The following KDM5A variants were observed in gnomAD, a reference collection of about 807,000 sequenced individuals.
KDM5A encodes the protein lysine demethylase 5A.
KDM5A carries 42 observed loss-of-function variants against 193.5 expected under a neutral mutation model. The observed-to-expected ratio is 0.22, with a 90% CI of 0.17 to 0.28. The LOEUF (loss-of-function observed/expected upper bound fraction) is 0.28. Ranked by LOEUF, KDM5A falls within the 10% of genes least tolerant of loss-of-function variation. The pLI, the probability that KDM5A is intolerant of heterozygous loss-of-function variation, is 1.00. For synonymous variants in KDM5A, 796 were observed against 718.1 expected, an observed-to-expected ratio of 1.11 and a Z score of -1.73; for missense variants, 1,692 against 2,055.1, an observed-to-expected ratio of 0.82 and a Z score of 3.42.
intron 3 of KDM5A, among the ~76,000 whole-genome samples, chr12:369,145 C>G (rs775105427): frequency 2.0e-5 from 3 of 152,214 alleles, no homozygotes; most frequent in African/African-American, 7.2e-5. Context: ...CTCCTCCTAT[C>G]ACACCCTCAA....
intron 4 of KDM5A, among the ~76,000 whole-genome samples, chr12:363,726 T>G (rs780990471): frequency 1.3e-5 from 2 of 151,998 alleles, no homozygotes; most frequent in Non-Finnish European, 2.9e-5. Context: ...AAAAGATTTC[T>G]TAAATATGAC....
chr12:352,208 G>A lies in KDM5A; in HGVS notation c.1146C>T (p.Val382=), dbSNP rs74736498. 4 of 1,610,570 alleles carry A rather than the reference G, an allele frequency of 2.5e-6. No homozygotes were observed. The highest frequency in any genetic ancestry group is 2.5e-6 in the Non-Finnish European group (3 of 1,178,188). The change falls in exon 9 of 28, where the codon GTC becomes GTT. Residue 382 remains valine (V), a synonymous_variant. Transcript: ENST00000399788. ...ACCTAAAAGATAGCTTACTCACATG[G>A]ACTGGCATATTAAAATAATCAGACT... ...NFKSDYFNMP[V]HMVPTELVEK... is the part of the protein sequence containing the mutation.
rs60377454 is a variant in KDM5A at position 323,210 on chromosome 12, CAAAAAAAAAAAAAAA to C, written c.2151-19_2151-5del. On this transcript the variant is annotated splice_polypyrimidine_tract_variant and splice_region_variant and intron_variant, in intron 15 of 27. Coordinates refer to ENST00000399788, the MANE Select transcript of KDM5A (RefSeq NM_001042603.3). The stretch of plus-strand genomic sequence containing the variant: ...GTCTTCTAATGGGTAGCGATATCTA[CAAAAAAAAAAAAAAA>C]AAAAAAAAAAAAAAGAAAACAGAAA... 312 of 297,062 alleles carry C rather than the reference CAAAAAAAAAAAAAAA, an allele frequency of 1.1e-3. 1 individual carries two copies. Among genetic ancestry groups the C allele is most frequent in the Middle Eastern group, 2.7e-3 (2 of 740 alleles). 18.4% of individuals were successfully genotyped at this position (297,062 alleles called of 1,614,324 possible).
chr12:376,537 C>T (rs564620803), intron 3 of KDM5A, among the ~76,000 whole-genome samples: 5 of 152,208 alleles, frequency 3.3e-5, no homozygotes, highest in African/African-American at 1.2e-4. Context: ...CCAGGTGAGA[C>T]GATGCCTCGC....
At position 292,737 on chromosome 12, in the gene KDM5A, A is replaced by G. The variant is rs372636391; in HGVS notation, c.4866+22T>C. ...GTTGCTCCTTGACCTCTCATGCTTG[A>G]CTATAAACAGTTGGAACTCACCTTG... is the stretch of plus-strand genomic sequence containing the variant. On this transcript the variant is annotated intron_variant, in intron 27 of 27. Transcript: ENST00000399788. The G allele has an allele frequency of 1.7e-5, 27 of 1,614,160 alleles. No individual in the cohort carries two copies. The African/African-American group carries it at 3.1e-4, about 18-fold the overall frequency.
chr12:291,214 T>C lies in KDM5A; in HGVS notation c.4866+1545A>G, dbSNP rs943320568. Among the ~76,000 whole-genome samples, 8 of 151,820 alleles carry C rather than the reference T, an allele frequency of 5.3e-5. No individual in the cohort carries two copies. In the East Asian group the frequency reaches 5.8e-4, roughly 11 times the overall value. On this transcript the variant is annotated intron_variant, in intron 27 of 27. Coordinates refer to ENST00000399788, the MANE Select transcript of KDM5A (RefSeq NM_001042603.3). ...ATAAAACAAACGCCATAGAAAAAAA[T>C]TGGAAGGAAACACTAAAATATTTAT...
intron 1 of KDM5A, 122 bp from the exon 2 acceptor site, chr12:386,096 CTTT>C: frequency 2.8e-6 from 2 of 707,000 alleles, no homozygotes; most frequent in Non-Finnish European, 5.0e-6. Context: ...TACAAGTCTT[CTTT>C]ATTATAGAGA....
chr12:328,360 T>G lies in KDM5A; in HGVS notation c.1968+475A>C, dbSNP rs532422302. ...CTGAAGATACACATTTTCTCATATA[T>G]TACCCAGTTCAATGTGATGATGCTT... On this transcript the variant is annotated intron_variant, in intron 14 of 27. Coordinates refer to ENST00000399788, the MANE Select transcript of KDM5A (RefSeq NM_001042603.3). Among the ~76,000 whole-genome samples the G allele has an allele frequency of 3.3e-5, 5 of 152,306 alleles. No individual in the cohort carries two copies. In the South Asian group the frequency reaches 1.0e-3, roughly 32 times the overall value.
At position 376,208 on chromosome 12, in the gene KDM5A, T is replaced by A. The variant is rs190870136; in HGVS notation, c.366+7823A>T. On this transcript the variant is annotated intron_variant, in intron 3 of 27. Coordinates refer to ENST00000399788, the MANE Select transcript of KDM5A (RefSeq NM_001042603.3). ...GTCTACAGAGGAAGGCAGGCCTCCT[T>A]GAGCTGCGGTGGGCTCCACCCAGTT... Among the ~76,000 whole-genome samples the A allele has an allele frequency of 2.9e-3, 447 of 152,350 alleles. 2 individuals carry two copies. The highest frequency in any genetic ancestry group is 0.01 in the African/African-American group (429 of 41,590).
chr12:306,280 T>C lies in KDM5A; in HGVS notation c.4074+666A>G, dbSNP rs981250680. 3.3e-5 allele frequency among the ~76,000 whole-genome samples: 5 copies of C among 152,162 alleles called. No homozygotes were observed. The East Asian group carries it at 5.8e-4, about 18-fold the overall frequency. On this transcript the variant is annotated intron_variant, in intron 24 of 27. Coordinates refer to ENST00000399788, the MANE Select transcript of KDM5A (RefSeq NM_001042603.3). Reference sequence around the variant, plus strand: ...ATGAGCCACCACACCAAGCCTAGAATGGAATTCTTAAAACTTAACTGTATA... The same window carrying C: ...ATGAGCCACCACACCAAGCCTAGAACGGAATTCTTAAAACTTAACTGTATA...
At chr12:375,555 G>A (rs569992290) in intron 3 of KDM5A, among the ~76,000 whole-genome samples, 26 of 152,202 alleles carry the variant, frequency 1.7e-4, no homozygotes, top group Non-Finnish European at 3.1e-4. Context: ...CTGATCGTCT[G>A]AAGCCTTCTT....
intron 27 of KDM5A, chr12:286,312 C>G (rs1943219151): frequency 1.8e-5 from 7 of 387,100 alleles, no homozygotes; most frequent in South Asian, 1.4e-4. Context: ...AAATTAAAAT[C>G]TGAAAAACTG....
chr12:294,287 AG>A (rs1474205828), intron 26 of KDM5A, among the ~76,000 whole-genome samples: 18 of 140,994 alleles, frequency 1.3e-4, no homozygotes, highest in Admixed American at 6.8e-4. Context: ...ATCTAGTAAC[AG>A]AAAGAACAGG....
At chr12:342,176 G>A (rs1292977551) in intron 10 of KDM5A, among the ~76,000 whole-genome samples, 3 of 152,118 alleles carry the variant, frequency 2.0e-5, no homozygotes, top group African/African-American at 4.8e-5. Flanking sequence ...TAAAGCTACA[G>A]GGGCTATACT....
intron 14 of KDM5A, among the ~76,000 whole-genome samples, chr12:328,515 T>TTC (rs1005239290): frequency 5.3e-5 from 8 of 152,242 alleles, no homozygotes; most frequent in African/African-American, 1.4e-4. Flanking sequence ...ACATAACTTA[T>TTC]TCAACAGAAA....
At chr12:324,235 T>C (rs1170777508) in intron 14 of KDM5A, among the ~76,000 whole-genome samples, 9 of 151,804 alleles carry the variant, frequency 5.9e-5, no homozygotes, top group African/African-American at 1.9e-4. Flanking sequence ...GAGGCCAGGC[T>C]GTAGTAAGCT....
At chr12:374,404 T>C (rs1188886022) in intron 3 of KDM5A, among the ~76,000 whole-genome samples, 1 of 152,178 alleles carries the variant, frequency 6.6e-6, no homozygotes, top group Non-Finnish European at 1.5e-5. Flanking sequence ...AACCCCTGCC[T>C]TTTTTGTTTT....
At chr12:312,917 A>G in intron 20 of KDM5A, 139 bp downstream of exon 20, 1 of 1,011,162 alleles carries the variant, frequency 9.9e-7, no homozygotes, top group Non-Finnish European at 1.5e-6. Flanking sequence ...ACCATCATAA[A>G]GTCTAAAAAT....
chr12:383,782 CTT>C (rs888999586), intron 3 of KDM5A, among the ~76,000 whole-genome samples: 14 of 150,838 alleles, frequency 9.3e-5, no homozygotes, highest in African/African-American at 3.2e-4. Flanking sequence ...GAGTTTTGCT[CTT>C]GTTGCCCAGG....
Sources: gnomAD v4.1 joint callset for allele counts (sites outside exome capture counted in the v4.1 genomes callset) on GRCh38, gnomAD v4.1.1 for gene constraint, MANE v1.5 for transcripts, NCBI Gene and HGNC (gene_info 2026-07-23, HGNC 2026-07-21) for gene names.